SART3: variants seen among roughly 807,000 people sequenced by gnomAD.
SART3 encodes the protein HIV-1 Tat-interacting protein of 110kDa.
In SART3, 44 loss-of-function variants were observed where a neutral mutation model predicts 122.3. That is an observed-to-expected ratio of 0.36 (90% CI 0.28 to 0.46). The LOEUF is 0.46. SART3 is among the 20% of genes least tolerant of loss of function. The pLI, the probability that SART3 is intolerant of heterozygous loss-of-function variation, is 1.00. For synonymous variants in SART3, 442 were observed against 454.0 expected, an observed-to-expected ratio of 0.97 and a Z score of 0.34; for missense variants, 1,101 against 1,229.0, an observed-to-expected ratio of 0.90 and a Z score of 1.56.
chr12:108,532,401 CGTCT>C, intron 12 of SART3, 67 bp from the exon 13 acceptor site: 2 of 1,319,726 alleles, frequency 1.5e-6, no homozygotes, highest in Non-Finnish European at 2.2e-6. Flanking sequence ...AGGGAGAGGC[CGTCT>C]TCTCCCAGGT....
chr12:108,558,719 T>C (rs2030334318), intron 1 of SART3, among the ~76,000 whole-genome samples: 1 of 152,172 alleles, frequency 6.6e-6, no homozygotes, highest in Non-Finnish European at 1.5e-5. Context: ...TAAGACTAAA[T>C]TAGCTTCAGC....
intron 1 of SART3, among the ~76,000 whole-genome samples, chr12:108,557,788 T>C (rs1462832130): frequency 6.6e-6 from 1 of 152,242 alleles, no homozygotes; most frequent in Non-Finnish European, 1.5e-5. Flanking sequence ...AGTGCCACTT[T>C]TAATTTCAGC....
chr12:108,551,525 T>C (rs2030009848), intron 1 of SART3, among the ~76,000 whole-genome samples: 1 of 152,150 alleles, frequency 6.6e-6, no homozygotes, highest in African/African-American at 2.4e-5. Flanking sequence ...TTTAAGTTTT[T>C]AAAAAGAAAG....
intron 12 of SART3, among the ~76,000 whole-genome samples, chr12:108,533,288 A>C (rs1363587486): frequency 6.6e-6 from 1 of 151,934 alleles, no homozygotes; most frequent in African/African-American, 2.4e-5. Flanking sequence ...GGTGGCCCTT[A>C]GCACAAATCA....
intron 6 of SART3, 23 bp from the exon 7 acceptor site, chr12:108,539,112 T>G (rs1873043614): frequency 6.2e-7 from 1 of 1,613,752 alleles, no homozygotes. Flanking sequence ...AAAATTGTAT[T>G]GAATTTAGTT....
chr12:108,523,941 A>G (rs758147595), intron 18 of SART3: 9 of 563,896 alleles, frequency 1.6e-5, no homozygotes, highest in Non-Finnish European at 2.2e-5. Flanking sequence ...TCCTCATCCC[A>G]AACCAGCGAA....
chr12:108,553,581 A>G (rs769241064), intron 1 of SART3, among the ~76,000 whole-genome samples: 1 of 152,190 alleles, frequency 6.6e-6, no homozygotes, highest in African/African-American at 2.4e-5. Flanking sequence ...GATTACCTAC[A>G]CTTCATTCAA....
chr12:108,525,928 T>C (rs1027563802), intron 16 of SART3, 171 bp downstream of exon 16: 2 of 644,778 alleles, frequency 3.1e-6, no homozygotes, highest in African/African-American at 1.8e-5. Context: ...AGCCATGCCA[T>C]GAGTCAGACC....
In SART3 at chr12:108,525,598, G is replaced by A. The variant is rs1369113840; in HGVS notation, c.2382C>T (p.Tyr794=). 6 of 1,614,076 alleles carry A rather than the reference G, an allele frequency of 3.7e-6. No individual in the cohort carries two copies. The highest frequency in any genetic ancestry group is 3.3e-5 in the South Asian group (3 of 91,090). ...SKNPDFKVFR[Y]STSLEKHKLF... ...GCTTGTGTTTCTCTAGGGAAGTGCT[G>A]TACCTGAACACCTATAGGAAGAAGG... The change falls in exon 17 of 19, where the codon TAC becomes TAT. Residue 794 remains tyrosine, a synonymous_variant. Coordinates refer to ENST00000546815, the MANE Select transcript of SART3 (RefSeq NM_014706.4).
chr12:108,530,354 C>T (rs958880799), intron 14 of SART3, 44 bp from the exon 15 acceptor site: 3 of 1,601,550 alleles, frequency 1.9e-6, no homozygotes, highest in Non-Finnish European at 2.6e-6. Context: ...GTGGCAATTA[C>T]ATTCACTGTA....
chr12:108,540,270 G>A (rs1284561524), intron 6 of SART3, among the ~76,000 whole-genome samples: 2 of 152,232 alleles, frequency 1.3e-5, no homozygotes, highest in East Asian at 3.8e-4. Flanking sequence ...ATCAATTGCT[G>A]AGAGGACACA....
intron 1 of SART3, among the ~76,000 whole-genome samples, chr12:108,559,256 G>T (rs1399008485): frequency 6.6e-6 from 1 of 152,186 alleles, no homozygotes; most frequent in African/African-American, 2.4e-5. Context: ...CATTCACTGA[G>T]TGATTTCACA....
At chr12:108,524,750 A>C (rs1227458602) in intron 17 of SART3, 1 of 578,028 alleles carries the variant, frequency 1.7e-6, no homozygotes, top group Non-Finnish European at 3.1e-6. Flanking sequence ...AGTTCAGCAC[A>C]CCTTGTACGT....
chr12:108,541,519 T>G (rs1033861810), intron 6 of SART3, among the ~76,000 whole-genome samples: 10 of 151,778 alleles, frequency 6.6e-5, no homozygotes, highest in African/African-American at 2.4e-4. Context: ...AAAAGATACA[T>G]CAAAAGGGAA....
intron 12 of SART3, among the ~76,000 whole-genome samples, chr12:108,533,407 A>G (rs3919567): frequency 0.084 from 12,373 of 146,638 alleles, 646 homozygotes; most frequent in South Asian, 0.22. Flanking sequence ...AAAAAAAAGC[A>G]TATTACTGTT....
chr12:108,536,421 T>C, intron 11 of SART3, 93 bp downstream of exon 11: 1 of 1,219,730 alleles, frequency 8.2e-7, no homozygotes, highest in African/African-American at 1.5e-5. Context: ...CTTAGGCCAT[T>C]ATCTGGGATT....
At chr12:108,538,809 GGA>G in intron 7 of SART3, 123 bp downstream of exon 7, 1 of 1,169,704 alleles carries the variant, frequency 8.5e-7, no homozygotes. Context: ...TTGGCAAAGA[GGA>G]GAAAAAGCAG....
chr12:108,538,824 G>T, intron 7 of SART3, 110 bp downstream of exon 7: 1 of 1,330,000 alleles, frequency 7.5e-7, no homozygotes, highest in Non-Finnish European at 1.1e-6. Context: ...AAAAGCAGAT[G>T]GAGGAAAAGC....
At chr12:108,548,014 G>C in intron 2 of SART3, 23 bp from the exon 3 acceptor site, 1 of 1,589,562 alleles carries the variant, frequency 6.3e-7, no homozygotes, top group Non-Finnish European at 8.6e-7. Flanking sequence ...AATACTTCCC[G>C]CATTAATACC....
Sources: gnomAD v4.1 joint callset for allele counts (sites outside exome capture counted in the v4.1 genomes callset) on GRCh38, gnomAD v4.1.1 for gene constraint, MANE v1.5 for transcripts, NCBI Gene and HGNC (gene_info 2026-07-23, HGNC 2026-07-21) for gene names.